Variants in LRRC3B observed in about 807,000 individuals in gnomAD.
LRRC3B encodes the protein leucine rich repeat containing 3B, also known as leucine-rich repeat-containing protein 3B.
Under a neutral mutation model 12.8 loss-of-function variants are expected in LRRC3B, and 2 were observed. The observed-to-expected ratio is 0.16, with a 90% CI of 0.06 to 0.49. The LOEUF is 0.49. Ranked by LOEUF, LRRC3B falls within the 20% of genes least tolerant of loss-of-function variation. LRRC3B has a pLI of 0.96. For synonymous variants in LRRC3B, 132 were observed against 122.0 expected, an observed-to-expected ratio of 1.08 and a Z score of -0.54; for missense variants, 189 against 319.4, an observed-to-expected ratio of 0.59 and a Z score of 3.11.
At chr3:26,707,851 A>C (rs1445613496) in intron 1 of LRRC3B, among the ~76,000 whole-genome samples, 1 of 152,048 alleles carries the variant, frequency 6.6e-6, no homozygotes, top group Non-Finnish European at 1.5e-5. Context: ...GGGAAACATG[A>C]AAAGGAGGAC....
chr3:26,666,040 T>C (rs1441581196), intron 1 of LRRC3B, among the ~76,000 whole-genome samples: 1 of 152,162 alleles, frequency 6.6e-6, no homozygotes, highest in Non-Finnish European at 1.5e-5. Context: ...AACAGAAACA[T>C]TGAGAATGTG....
At chr3:26,653,097 C>CAAA (rs58039696) in intron 1 of LRRC3B, among the ~76,000 whole-genome samples, 1 of 117,012 alleles carries the variant, frequency 8.5e-6, no homozygotes. Context: ...CTTGTGGGAT[C>CAAA]AAAAAAAAAA....
At chr3:26,661,421 A>G (rs1699488864) in intron 1 of LRRC3B, among the ~76,000 whole-genome samples, 1 of 152,086 alleles carries the variant, frequency 6.6e-6, no homozygotes, top group Non-Finnish European at 1.5e-5. Flanking sequence ...CTCACATCCA[A>G]ACCTTCTTAA....
At chr3:26,707,118 G>C (rs1174136256) in intron 1 of LRRC3B, among the ~76,000 whole-genome samples, 1 of 151,340 alleles carries the variant, frequency 6.6e-6, no homozygotes, top group Non-Finnish European at 1.5e-5. Flanking sequence ...TTTGGGAGGC[G>C]AGGCAGGTAG....
intron 1 of LRRC3B, among the ~76,000 whole-genome samples, chr3:26,646,001 G>C (rs1001644581): frequency 3.9e-5 from 6 of 152,138 alleles, no homozygotes; most frequent in Non-Finnish European, 7.4e-5. Flanking sequence ...TCCATTCCAA[G>C]TGACCATACA....
chr3:26,629,385 C>T (rs758780139), intron 1 of LRRC3B, among the ~76,000 whole-genome samples: 2 of 152,220 alleles, frequency 1.3e-5, no homozygotes. Context: ...GCTGAAGGCA[C>T]AGTGCATAGT....
chr3:26,679,679 C>T (rs903405647), intron 1 of LRRC3B, among the ~76,000 whole-genome samples: 1 of 152,138 alleles, frequency 6.6e-6, no homozygotes, highest in Non-Finnish European at 1.5e-5. Flanking sequence ...TATTACTTCT[C>T]CTGACATTAC....
At chr3:26,703,956 T>C (rs1052419803) in intron 1 of LRRC3B, among the ~76,000 whole-genome samples, 5 of 151,970 alleles carry the variant, frequency 3.3e-5, no homozygotes, top group Admixed American at 6.6e-5. Flanking sequence ...ATATTTATTG[T>C]AAAATAAAAT....
chr3:26,668,386 G>GGGAC (rs1699652761), intron 1 of LRRC3B, among the ~76,000 whole-genome samples: 1 of 152,108 alleles, frequency 6.6e-6, no homozygotes, highest in South Asian at 2.1e-4. Flanking sequence ...ATTGCCCAAT[G>GGGAC]GGACAATGGG....
intron 1 of LRRC3B, among the ~76,000 whole-genome samples, chr3:26,674,055 A>AAATC (rs1699807848): frequency 6.6e-6 from 1 of 152,228 alleles, no homozygotes; most frequent in Non-Finnish European, 1.5e-5. Context: ...GATTTAATAT[A>AAATC]AATCATTTAA....
At chr3:26,636,900 CTCTT>C (rs1360392713) in intron 1 of LRRC3B, among the ~76,000 whole-genome samples, 2 of 92,454 alleles carry the variant, frequency 2.2e-5, no homozygotes, top group African/African-American at 5.3e-5. Flanking sequence ...CTCTCTCTCT[CTCTT>C]TCTCTCTTTC....
intron 1 of LRRC3B, among the ~76,000 whole-genome samples, chr3:26,656,879 T>C (rs2125419432): frequency 6.6e-6 from 1 of 152,300 alleles, no homozygotes; most frequent in South Asian, 2.1e-4. Context: ...AAGTTAAGAC[T>C]TAGCATGGGA....
intron 1 of LRRC3B, among the ~76,000 whole-genome samples, chr3:26,697,445 C>T (rs1700345704): frequency 6.6e-6 from 1 of 152,182 alleles, no homozygotes; most frequent in Non-Finnish European, 1.5e-5. Flanking sequence ...CTCAAAATTA[C>T]ATTTAGGGCT....
chr3:26,656,176 C>T (rs61069641), intron 1 of LRRC3B, among the ~76,000 whole-genome samples: 12 of 152,124 alleles, frequency 7.9e-5, no homozygotes, highest in Middle Eastern at 3.4e-3. Flanking sequence ...GCTGCTGCCA[C>T]TGCCACTGCC....
chr3:26,671,085 G>C (rs1444892738), intron 1 of LRRC3B, among the ~76,000 whole-genome samples: 2 of 126,620 alleles, frequency 1.6e-5, no homozygotes, highest in Non-Finnish European at 3.2e-5. Flanking sequence ...GCGGGATCTC[G>C]GCTCACTGCA....
At chr3:26,693,746 G>C (rs1227476873) in intron 1 of LRRC3B, among the ~76,000 whole-genome samples, 2 of 152,172 alleles carry the variant, frequency 1.3e-5, no homozygotes, top group African/African-American at 4.8e-5. Flanking sequence ...ACAAACTTAG[G>C]TATGCCTAAT....
rs1485561713 is a variant in LRRC3B at position 26,648,926 on chromosome 3, C to T, written c.-161+25689C>T. Among the ~76,000 whole-genome samples the T allele has an allele frequency of 2.0e-5, 3 of 152,144 alleles. No homozygotes were observed. The East Asian group carries it at 5.8e-4, about 29-fold the overall frequency. ...CTTACATTCCTCCCTTGAGGCAACT[C>T]AAAAATAAGAATGGGGCATTTTTCT... On this transcript the variant is annotated intron_variant, in intron 1 of 1. Coordinates refer to ENST00000396641, the Ensembl canonical transcript of LRRC3B.
intron 1 of LRRC3B, among the ~76,000 whole-genome samples, chr3:26,696,340 G>A (rs1700316557): frequency 6.6e-6 from 1 of 152,110 alleles, no homozygotes; most frequent in African/African-American, 2.4e-5. Context: ...AAGTTCAAAT[G>A]TTTTTTAGCG....
chr3:26,680,703 A>G (rs575912913), intron 1 of LRRC3B, among the ~76,000 whole-genome samples: 1 of 152,326 alleles, frequency 6.6e-6, no homozygotes, highest in East Asian at 1.9e-4. Context: ...TGCCAAGATT[A>G]TTTGGCATTG....
Sources: allele counts gnomAD v4.1 joint callset (sites outside exome capture counted in the v4.1 genomes callset), GRCh38; gene constraint gnomAD v4.1.1; transcripts MANE v1.5; gene names NCBI Gene and HGNC (gene_info 2026-07-23, HGNC 2026-07-21).